PLEKHG1: variants seen among roughly 807,000 people sequenced by gnomAD.
PLEKHG1 encodes the protein pleckstrin homology domain-containing family G member 1.
Under a neutral mutation model 100.8 loss-of-function variants are expected in PLEKHG1, and 44 were observed. The observed-to-expected ratio is 0.44, with a 90% CI of 0.34 to 0.56. The LOEUF is 0.56. Among genes scored for constraint, PLEKHG1 ranks in the 20% least tolerant of loss-of-function variants. PLEKHG1 has a pLI of 0.01. For synonymous variants in PLEKHG1, 640 were observed against 662.5 expected (o/e 0.97, Z 0.52); for missense variants, 1,545 against 1,720.9 (o/e 0.90, Z 1.81).
At chr6:150,815,884 GGT>G (rs1787836841) in intron 10 of PLEKHG1, among the ~76,000 whole-genome samples, 1 of 152,176 alleles carries the variant, frequency 6.6e-6, no homozygotes. Flanking sequence ...CTAGGACAGT[GGT>G]CTTCAACCTT....
chr6:150,727,528 G>C (rs998997292), intron 1 of PLEKHG1, among the ~76,000 whole-genome samples: 1 of 151,986 alleles, frequency 6.6e-6, no homozygotes, highest in Admixed American at 6.6e-5. Context: ...AGAGGGATTT[G>C]TCATGAAGTA....
intron 2 of PLEKHG1, among the ~76,000 whole-genome samples, chr6:150,646,719 C>G (rs913770647): frequency 2.6e-5 from 4 of 152,144 alleles, no homozygotes; most frequent in African/African-American, 9.7e-5. Context: ...TGATGTGGCT[C>G]TCCAAGATGA....
chr6:150,668,554 G>A (rs1490053662), intron 3 of PLEKHG1, among the ~76,000 whole-genome samples: 1 of 152,144 alleles, frequency 6.6e-6, no homozygotes, highest in Non-Finnish European at 1.5e-5. Context: ...CCTTTGATCT[G>A]TCGAAACATA....
At chr6:150,819,951 T>G (rs1489495849) in intron 12 of PLEKHG1, among the ~76,000 whole-genome samples, 177 bp downstream of exon 13, 3 of 152,152 alleles carry the variant, frequency 2.0e-5, no homozygotes, top group Non-Finnish European at 4.4e-5. Context: ...CTCTTTTCTC[T>G]GTAATCCTAG....
In PLEKHG1 at chr6:150,683,719, C is replaced by T; in HGVS notation, c.-99+32933C>T. The T allele has an allele frequency of 9.1e-7, 1 of 1,098,534 alleles. No homozygotes were observed. Among genetic ancestry groups the T allele is most frequent in the Non-Finnish European group, 1.2e-6 (1 of 834,172 alleles). The allele number at this position is 1,098,534 out of a possible 1,614,324, so 68.0% of individuals were successfully genotyped here. A position where few individuals can be genotyped will look rare whatever the true frequency, so the allele number is the denominator to read the frequency against. On this transcript the variant is annotated intron_variant, in intron 3 of 3. Coordinates refer to the PLEKHG1 transcript ENST00000367326. The surrounding 1 kb of genome is among the most constrained non-coding windows in gnomAD (Gnocchi z 4.0). Reference sequence around the variant, plus strand: ...CTTGAACCCTGAGTTGACACACGGACCCCTCTGCGCTAGTATCCAGGGCAT... The same window carrying T: ...CTTGAACCCTGAGTTGACACACGGATCCCTCTGCGCTAGTATCCAGGGCAT...
At chr6:150,605,619 C>T (rs1562377693) in intron 1 of PLEKHG1, 3 of 152,160 alleles carry the variant, frequency 2.0e-5, no homozygotes, top group Non-Finnish European at 4.4e-5. Flanking sequence ...GGTGGAGACT[C>T]AGAGTGATGG....
At chr6:150,726,298 G>T (rs1470346055) in intron 1 of PLEKHG1, among the ~76,000 whole-genome samples, 2 of 152,050 alleles carry the variant, frequency 1.3e-5, no homozygotes, top group African/African-American at 4.8e-5. Flanking sequence ...ATAATAAAGA[G>T]GCATAAGAAA....
chr6:150,768,926 T>TTC (rs1221132230), intron 3 of PLEKHG1, among the ~76,000 whole-genome samples, 188 bp downstream of exon 4: 2 of 152,082 alleles, frequency 1.3e-5, no homozygotes, highest in Non-Finnish European at 2.9e-5. Flanking sequence ...GTATTCCATA[T>TTC]TCTCTCTCTC....
chr6:150,687,870 A>T (rs982379566), intron 3 of PLEKHG1, among the ~76,000 whole-genome samples: 2 of 152,204 alleles, frequency 1.3e-5, no homozygotes, highest in Admixed American at 6.5e-5. Flanking sequence ...GCATGCTCTG[A>T]TCTATAGCTA....
chr6:150,758,708 T>G (rs1783989889), intron 2 of PLEKHG1, among the ~76,000 whole-genome samples: 1 of 152,226 alleles, frequency 6.6e-6, no homozygotes. Flanking sequence ...TGATTTGCAT[T>G]TCTCTAATGA....
At position 150,840,180 on chromosome 6, in the gene PLEKHG1, G is replaced by C; in HGVS notation, c.3442G>C (p.Val1148Leu). The change falls in exon 16 of 16, where the codon GTA becomes CTA. Residue 1148 changes from valine to leucine, a missense_variant. Physicochemically the swap from Val to Leu is conservative, Grantham distance 32 (BLOSUM62 1). Coordinates refer to ENST00000358517, the Ensembl canonical transcript of PLEKHG1. ...AGGCTCTGTGCAGAGATGCAGCGTG[G>C]TAGTAAGTCAGCCCAACAAAGAGAA... 11 of 1,614,198 alleles carry C rather than the reference G, an allele frequency of 6.8e-6. No homozygotes were observed. Among genetic ancestry groups the C allele is most frequent in the Non-Finnish European group, 9.3e-6 (11 of 1,180,036 alleles).
At chr6:150,675,288 G>T (rs1053232796) in intron 3 of PLEKHG1, among the ~76,000 whole-genome samples, 1 of 152,186 alleles carries the variant, frequency 6.6e-6, no homozygotes, top group Non-Finnish European at 1.5e-5. Context: ...AAACTTGCAT[G>T]ATTGAGGAGC....
intron 1 of PLEKHG1, among the ~76,000 whole-genome samples, chr6:150,731,745 C>T (rs916839009): frequency 3.3e-5 from 5 of 152,214 alleles, no homozygotes; most frequent in Middle Eastern, 3.4e-3. Flanking sequence ...TAATCACCTT[C>T]TCTATCACAA....
intron 1 of PLEKHG1, among the ~76,000 whole-genome samples, chr6:150,733,009 A>G (rs914610464): frequency 2.6e-5 from 4 of 152,254 alleles, no homozygotes. Flanking sequence ...AGTAAAATGT[A>G]AAGTTGCCAG....
chr6:150,800,963 C>A, intron 6 of PLEKHG1, 94 bp downstream of exon 7: 3 of 942,488 alleles, frequency 3.2e-6, no homozygotes, highest in South Asian at 3.0e-5. Flanking sequence ...ATGCTATGGA[C>A]ATATGGAAAC....
chr6:150,687,103 T>A (rs2128591589), intron 3 of PLEKHG1: 1 of 152,798 alleles, frequency 6.5e-6, no homozygotes, highest in Non-Finnish European at 1.5e-5. Flanking sequence ...ATCCAGAATC[T>A]GTTTTTTTCC....
chr6:150,831,993 A>T lies in PLEKHG1; in HGVS notation c.2882A>T (p.Asn961Ile). The T allele has an allele frequency of 6.2e-7, 1 of 1,613,530 alleles. No homozygotes were observed. The highest frequency in any genetic ancestry group is 8.5e-7 in the Non-Finnish European group (1 of 1,179,776). Residue 961 changes from asparagine (N) to isoleucine (I), a missense_variant, in exon 15 of 16, where the codon AAC (asparagine) becomes ATC (isoleucine). Physicochemically the swap from Asn to Ile is moderately radical, Grantham distance 149. Coordinates refer to ENST00000358517, the Ensembl canonical transcript of PLEKHG1. The surrounding 1 kb of genome is among the most constrained non-coding windows in gnomAD (Gnocchi z 4.1). ...GGCCTGTCTCAAACAGACCCAGAAA[A>T]CCCTGACCTGGGGATGGAGGCCACA...
At chr6:150,842,283 G>T (rs1369084933) in exon 16 of PLEKHG1, 1 of 152,136 alleles carries the variant, frequency 6.6e-6, no homozygotes, top group Non-Finnish European at 1.5e-5. Flanking sequence ...TTTTAATCAG[G>T]TGTACATTCT....
At chr6:150,727,421 C>G (rs1782012861) in intron 1 of PLEKHG1, among the ~76,000 whole-genome samples, 1 of 151,974 alleles carries the variant, frequency 6.6e-6, no homozygotes. Flanking sequence ...TTGATTCTGG[C>G]AGTGATATTC....
Sources: allele counts gnomAD v4.1 joint callset (sites outside exome capture counted in the v4.1 genomes callset), GRCh38; gene constraint gnomAD v4.1.1; non-coding constraint Gnocchi (gnomAD v3.1); transcripts MANE v1.5; gene names NCBI Gene and HGNC (gene_info 2026-07-23, HGNC 2026-07-21).